The following HSD17B12 variants were observed in gnomAD, a reference collection of about 807,000 sequenced individuals.
HSD17B12 encodes the protein hydroxysteroid 17-beta dehydrogenase 12.
HSD17B12 carries 32 observed loss-of-function variants against 39.3 expected under a neutral mutation model. The ratio of observed to expected loss-of-function variants is 0.81; its 90% CI spans 0.61 to 1.09. The LOEUF is 1.09. Ranked by LOEUF, HSD17B12 falls within the 50% of genes least tolerant of loss-of-function variation. The probability of loss-of-function intolerance (pLI) is 0.00; values close to 1 mark genes in which losing one functional copy is unlikely to be tolerated. For missense variants in HSD17B12, 342 were observed against 382.9 expected (o/e 0.89, Z 0.89); for synonymous variants, 150 against 146.7 (o/e 1.02, Z -0.16).
At chr11:43,600,432 T>C in the HSD17B12 span, among the ~76,000 whole-genome samples, 1 of 152,156 alleles carries the variant, frequency 6.6e-6, no homozygotes, top group Non-Finnish European at 1.5e-5. Context: ...TTTCTGTAGT[T>C]ATTTATCCAT....
upstream of HSD17B12, among the ~76,000 whole-genome samples, chr11:43,675,856 A>C (rs920448416): frequency 2.0e-5 from 3 of 152,212 alleles, no homozygotes; most frequent in Admixed American, 6.5e-5. Context: ...TCATGCCTGT[A>C]ATCCTAGCAC....
chr11:43,756,528 T>C (rs1950509211), intron 3 of HSD17B12, among the ~76,000 whole-genome samples: 1 of 152,148 alleles, frequency 6.6e-6, no homozygotes, highest in African/African-American at 2.4e-5. Context: ...ATATAATAAC[T>C]CTTAAAGTGA....
chr11:43,837,255 T>C lies in HSD17B12; in HGVS notation c.537-1062T>C, dbSNP rs536070436. Among the ~76,000 whole-genome samples the C allele has an allele frequency of 9.1e-4, 138 of 152,310 alleles. 1 individual carries two copies. The highest frequency in any genetic ancestry group is 3.2e-3 in the African/African-American group (132 of 41,574). On this transcript the variant is annotated intron_variant, in intron 7 of 10. Transcript: ENST00000278353. ...TATTATTTTGCATAAAGGGGGTCTT[T>C]ATAGTCCCTTTTTTAAGCTAAAAAA...
At chr11:43,562,062 A>G in the HSD17B12 span, among the ~76,000 whole-genome samples, 1 of 152,362 alleles carries the variant, frequency 6.6e-6, no homozygotes, top group East Asian at 1.9e-4. Flanking sequence ...TGCTTATCAT[A>G]CCTAAACAAT....
At chr11:43,757,590 G>A (rs1196670299) in intron 3 of HSD17B12, among the ~76,000 whole-genome samples, 2 of 116,490 alleles carry the variant, frequency 1.7e-5, no homozygotes, top group Admixed American at 1.2e-4. Context: ...CCGAGATTGC[G>A]CCACTGCAGT....
At chr11:43,632,140 T>G in the HSD17B12 span, among the ~76,000 whole-genome samples, 140 of 152,366 alleles carry the variant, frequency 9.2e-4, 1 homozygote, top group Admixed American at 4.7e-3. Flanking sequence ...TTTAGGAGTT[T>G]CCTCTTTTGA....
At chr11:43,680,144 C>T (rs544966012), upstream of HSD17B12, among the ~76,000 whole-genome samples, 9 of 135,874 alleles carry the variant, frequency 6.6e-5, no homozygotes, top group African/African-American at 2.4e-4. Context: ...GGCGCGATCT[C>T]GGCTCACTGC....
intron 2 of HSD17B12, among the ~76,000 whole-genome samples, chr11:43,753,619 G>T (rs1425751034): frequency 6.8e-6 from 1 of 146,880 alleles, no homozygotes; most frequent in African/African-American, 2.5e-5. Context: ...TTACTATGTT[G>T]CCCAGGATGG....
At chr11:43,839,441 G>C (rs1268541192) in intron 8 of HSD17B12, among the ~76,000 whole-genome samples, 1 of 152,092 alleles carries the variant, frequency 6.6e-6, no homozygotes, top group South Asian at 2.1e-4. Context: ...CTAGTCTGAG[G>C]TTGCGTCCAC....
At chr11:43,737,945 C>T (rs12272951) in intron 1 of HSD17B12, among the ~76,000 whole-genome samples, 4,950 of 151,402 alleles carry the variant, frequency 0.033, 284 homozygotes, top group African/African-American at 0.11. Context: ...TGGTGGCGGG[C>T]GCCTGTAGTC....
At chr11:43,643,160 G>T in the HSD17B12 span, among the ~76,000 whole-genome samples, 2 of 152,032 alleles carry the variant, frequency 1.3e-5, no homozygotes, top group Non-Finnish European at 2.9e-5. Context: ...AATTCTAGTT[G>T]TTGCCTTAGT....
chr11:43,753,225 A>T lies in HSD17B12; in HGVS notation c.208-821A>T, dbSNP rs780187803. 4.5e-4 allele frequency among the ~76,000 whole-genome samples: 68 copies of T among 152,110 alleles called. 1 individual carries two copies. Among genetic ancestry groups the T allele is most frequent in the Non-Finnish European group, 1.3e-4 (9 of 68,014 alleles). ...GTGTTCCTCAGGAAATTCTTTATTT[A>T]TTCAATTAACTTCTTTAGTTTGCCA... On this transcript the variant is annotated intron_variant, in intron 2 of 10. Coordinates refer to ENST00000278353, the MANE Select transcript of HSD17B12 (RefSeq NM_016142.3).
At chr11:43,698,707 C>A (rs867938164) in intron 1 of HSD17B12, among the ~76,000 whole-genome samples, 1 of 152,144 alleles carries the variant, frequency 6.6e-6, no homozygotes, top group Non-Finnish European at 1.5e-5. Flanking sequence ...TCTTTGGAAG[C>A]GTGGTAGAAA....
chr11:43,658,945 C>T, the HSD17B12 span, among the ~76,000 whole-genome samples: 1 of 152,190 alleles, frequency 6.6e-6, no homozygotes, highest in Non-Finnish European at 1.5e-5. Context: ...TTTAAGTCTG[C>T]AGAGGTTATT....
At chr11:43,701,630 G>T (rs1949965593) in intron 1 of HSD17B12, among the ~76,000 whole-genome samples, 1 of 152,190 alleles carries the variant, frequency 6.6e-6, no homozygotes, top group Non-Finnish European at 1.5e-5. Flanking sequence ...TTGAAAATGA[G>T]TTCACTGTAG....
At chr11:43,649,740 G>A in the HSD17B12 span, among the ~76,000 whole-genome samples, 43 of 152,302 alleles carry the variant, frequency 2.8e-4, no homozygotes, top group African/African-American at 9.4e-4. Flanking sequence ...CGACTGTTTT[G>A]ACCAAGACTA....
At chr11:43,637,452 C>T in the HSD17B12 span, among the ~76,000 whole-genome samples, 2 of 152,028 alleles carry the variant, frequency 1.3e-5, no homozygotes, top group Non-Finnish European at 2.9e-5. Flanking sequence ...AACTCCTGAC[C>T]TCAGGTGATC....
chr11:43,842,494 A>C (rs1951436234), intron 9 of HSD17B12, among the ~76,000 whole-genome samples: 1 of 152,206 alleles, frequency 6.6e-6, no homozygotes, highest in South Asian at 2.1e-4. Flanking sequence ...TGTGTTCTAG[A>C]ATCCTGGATT....
At chr11:43,648,402 A>C in the HSD17B12 span, among the ~76,000 whole-genome samples, 1 of 152,084 alleles carries the variant, frequency 6.6e-6, no homozygotes, top group Admixed American at 6.5e-5. Context: ...AAATTCACAA[A>C]GTTCCAGAAT....
Sources: allele counts gnomAD v4.1 joint callset (sites outside exome capture counted in the v4.1 genomes callset), GRCh38; gene constraint gnomAD v4.1.1; transcripts MANE v1.5; gene names NCBI Gene and HGNC (gene_info 2026-07-23, HGNC 2026-07-21).